Variants in MACROD2 observed in about 807,000 individuals in gnomAD.
MACROD2 encodes mono-ADP ribosylhydrolase 2, also known as ADP-ribose glycohydrolase MACROD2.
Under a neutral mutation model 70.4 loss-of-function variants are expected in MACROD2, and 36 were observed. The observed-to-expected ratio is 0.51, with a 90% CI of 0.39 to 0.68. The LOEUF is 0.68. Among genes scored for constraint, MACROD2 ranks in the 30% least tolerant of loss-of-function variants. The probability of loss-of-function intolerance (pLI) is 0.00; values close to 1 mark genes in which losing one functional copy is unlikely to be tolerated. For missense variants in MACROD2, 496 were observed against 538.4 expected (o/e 0.92, Z 0.78); for synonymous variants, 172 against 178.8 (o/e 0.96, Z 0.30).
At chr20:16,028,727 A>G (rs1261977996) in intron 15 of MACROD2, among the ~76,000 whole-genome samples, 4 of 152,116 alleles carry the variant, frequency 2.6e-5, no homozygotes, top group African/African-American at 4.8e-5. Flanking sequence ...ATCATTCACT[A>G]TTTGACTTTG....
At chr20:14,365,904 A>G (rs1002643135) in intron 3 of MACROD2, among the ~76,000 whole-genome samples, 1 of 152,094 alleles carries the variant, frequency 6.6e-6, no homozygotes, top group African/African-American at 2.4e-5. Flanking sequence ...TGTATTTGTG[A>G]ATATTCCAGT....
chr20:14,413,470 C>A (rs1261403850), intron 3 of MACROD2, among the ~76,000 whole-genome samples: 1 of 151,844 alleles, frequency 6.6e-6, no homozygotes, highest in East Asian at 1.9e-4. Context: ...ATTTTATGGA[C>A]CCTGTTGAAA....
chr20:14,802,904 G>C (rs1171271694), intron 5 of MACROD2, among the ~76,000 whole-genome samples: 1 of 151,688 alleles, frequency 6.6e-6, no homozygotes, highest in Non-Finnish European at 1.5e-5. Context: ...TAGTATTAGA[G>C]ATATGCCTAC....
At chr20:14,584,508 G>A (rs1028735782) in intron 4 of MACROD2, among the ~76,000 whole-genome samples, 5 of 151,934 alleles carry the variant, frequency 3.3e-5, no homozygotes, top group Admixed American at 1.3e-4. Flanking sequence ...TCTTCTTTTT[G>A]TATTCTTGCA....
chr20:15,757,929 CA>C (rs1227148544), intron 8 of MACROD2, among the ~76,000 whole-genome samples: 1 of 152,162 alleles, frequency 6.6e-6, no homozygotes, highest in Non-Finnish European at 1.5e-5. Context: ...TGGGAGGACA[CA>C]ATCATTTAGC....
intron 5 of MACROD2, among the ~76,000 whole-genome samples, chr20:15,088,397 TTATATATATATATATATATA>T (rs71190173): frequency 0.13 from 14,387 of 110,152 alleles, 1,108 homozygotes; most frequent in East Asian, 0.32. Flanking sequence ...ATACTATATT[TTATATATATATATATATATA>T]TATATATATA....
intron 3 of MACROD2, among the ~76,000 whole-genome samples, chr20:14,112,209 C>G (rs1281348776): frequency 6.6e-6 from 1 of 151,712 alleles, no homozygotes; most frequent in Admixed American, 6.6e-5. Flanking sequence ...CTACTAGAGG[C>G]TGGGAAGGGT....
intron 4 of MACROD2, among the ~76,000 whole-genome samples, chr20:14,585,188 G>A (rs1384141765): frequency 6.6e-6 from 1 of 152,286 alleles, no homozygotes; most frequent in East Asian, 1.9e-4. Flanking sequence ...TTTTACATAG[G>A]CGGAACAGCG....
intron 5 of MACROD2, among the ~76,000 whole-genome samples, chr20:14,789,851 T>A (rs1377199885): frequency 6.6e-6 from 1 of 151,826 alleles, no homozygotes; most frequent in Non-Finnish European, 1.5e-5. Context: ...GTATTTACCT[T>A]CCCAACATTA....
intron 8 of MACROD2, among the ~76,000 whole-genome samples, chr20:15,801,936 T>C (rs2063730246): frequency 6.6e-6 from 1 of 152,172 alleles, no homozygotes; most frequent in South Asian, 2.1e-4. Context: ...AATTTATTCC[T>C]ACATATTTCC....
At chr20:15,647,338 A>G (rs1387053214) in intron 8 of MACROD2, among the ~76,000 whole-genome samples, 1 of 152,200 alleles carries the variant, frequency 6.6e-6, no homozygotes, top group Non-Finnish European at 1.5e-5. Flanking sequence ...AGGGGCAGGA[A>G]ACAAAGATGG....
At chr20:14,102,588 A>AG (rs1195337970) in intron 3 of MACROD2, among the ~76,000 whole-genome samples, 3 of 152,170 alleles carry the variant, frequency 2.0e-5, no homozygotes, top group African/African-American at 7.2e-5. Context: ...AGTCAGCCAA[A>AG]GGGGAAAAAA....
chr20:15,447,784 C>T (rs1238015770), intron 7 of MACROD2, among the ~76,000 whole-genome samples: 4 of 152,132 alleles, frequency 2.6e-5, no homozygotes, highest in Non-Finnish European at 5.9e-5. Flanking sequence ...ATCAATGAAG[C>T]TGTTTTGTGT....
intron 15 of MACROD2, among the ~76,000 whole-genome samples, chr20:16,004,221 AT>A (rs1389867557): frequency 6.6e-6 from 1 of 152,150 alleles, no homozygotes; most frequent in Non-Finnish European, 1.5e-5. Context: ...TCAGCCACTT[AT>A]AAGCCTCTCT....
At position 13,995,606 on chromosome 20, in the gene MACROD2, G is replaced by C. The variant is rs550088630; in HGVS notation, c.-158G>C. 5.4e-6 allele frequency: 4 copies of C among 742,046 alleles called. No homozygotes were observed. The South Asian group carries it at 6.2e-5, about 12-fold the overall frequency. The allele number at this position is 742,046 out of a possible 1,614,324, so 46.0% of individuals were successfully genotyped here. A position where few individuals can be genotyped will look rare whatever the true frequency, so the allele number is the denominator to read the frequency against. On this transcript the variant is annotated 5_prime_UTR_variant, in exon 1 of 18. Transcript: ENST00000684519. The surrounding 1 kb of genome is among the most constrained non-coding windows in gnomAD (Gnocchi z 4.3). ...GCGCGGGCTGAGGGAGGAGGGCGGC[G>C]ACTGGAGAGCGGCGAGCGGCGAGCA...
chr20:15,588,722 C>G (rs896658776), intron 8 of MACROD2, among the ~76,000 whole-genome samples: 1 of 152,204 alleles, frequency 6.6e-6, no homozygotes, highest in African/African-American at 2.4e-5. Flanking sequence ...CAAGAGTCAC[C>G]TTTGCTCCGG....
intron 7 of MACROD2, among the ~76,000 whole-genome samples, chr20:15,467,639 C>G (rs560988745): frequency 1.1e-3 from 164 of 152,266 alleles, no homozygotes; most frequent in Middle Eastern, 3.4e-3. Flanking sequence ...AGTATATGGT[C>G]TCTTAGGAAG....
chr20:14,705,248 G>A (rs185716116), intron 5 of MACROD2, among the ~76,000 whole-genome samples: 2 of 151,652 alleles, frequency 1.3e-5, no homozygotes, highest in East Asian at 1.9e-4. Context: ...CTCTCCGTTC[G>A]TCTCACCTAC....
At chr20:15,551,868 CAAAAA>C (rs5840671) in intron 8 of MACROD2, among the ~76,000 whole-genome samples, 3 of 121,826 alleles carry the variant, frequency 2.5e-5, no homozygotes, top group Non-Finnish European at 1.7e-5. Context: ...GACCCTGCCT[CAAAAA>C]AAAAAAAAAA....
Sources: gnomAD v4.1 joint callset for allele counts (sites outside exome capture counted in the v4.1 genomes callset) on GRCh38, gnomAD v4.1.1 for gene constraint, Gnocchi (gnomAD v3.1) non-coding constraint, MANE v1.5 for transcripts, NCBI Gene and HGNC (gene_info 2026-07-23, HGNC 2026-07-21) for gene names.